Variants in EIF4G1 observed in about 807,000 individuals in gnomAD.
EIF4G1 encodes the protein eukaryotic translation initiation factor 4 gamma 1.
Under a neutral mutation model 187.8 loss-of-function variants are expected in EIF4G1, and 4 were observed. The observed-to-expected ratio is 0.02, with a 90% CI of 0.01 to 0.05. EIF4G1 has a LOEUF of 0.05. Ranked by LOEUF, EIF4G1 falls within the 10% of genes least tolerant of loss-of-function variation. The pLI is 1.00. For synonymous variants in EIF4G1, 844 were observed against 781.4 expected (o/e 1.08, Z -1.34); for missense variants, 1,647 against 2,081.1 (o/e 0.79, Z 4.06).
At position 184,322,646 on chromosome 3, in the gene EIF4G1, G is replaced by A. The variant is rs1269025478; in HGVS notation, c.1711G>A (p.Asp571Asn). ...SGVPPRPEEADETWDSKEDKI... is the reference protein window; with the variant it reads ...SGVPPRPEEANETWDSKEDKI... ...TGTGCCCCCACGTCCTGAGGAAGCAGATGAGACCTGGGACTCAAAGGAAGA... is the reference window on the plus strand; with the variant it reads ...TGTGCCCCCACGTCCTGAGGAAGCAAATGAGACCTGGGACTCAAAGGAAGA... The change falls in exon 12 of 33, where the codon GAT (aspartate) becomes AAT (asparagine). Residue 571 changes from aspartate (D) to asparagine (N), a missense_variant. Around this residue, in one of 11 missense-constraint regions of EIF4G1, gnomAD observed 522 missense variants for 485.2 expected, o/e 1.08. Transcript: ENST00000346169. 6.2e-7 allele frequency: 1 copy of A among 1,614,222 alleles called. No homozygotes were observed. The highest frequency in any genetic ancestry group is 2.2e-5 in the East Asian group (1 of 44,882).
chr3:184,333,634 C>G (rs1009996418), intron 32 of EIF4G1, among the ~76,000 whole-genome samples: 4 of 152,046 alleles, frequency 2.6e-5, no homozygotes, highest in Non-Finnish European at 1.5e-5. Context: ...TAGAGGCCAC[C>G]CTGGCAAAAA....
rs778135884 is a variant in EIF4G1 at position 184,327,915 on chromosome 3, G to A, written c.3866G>A (p.Arg1289His). 39 of 1,613,172 alleles carry A rather than the reference G, an allele frequency of 2.4e-5. No individual in the cohort carries two copies. The highest frequency in any genetic ancestry group is 4.0e-5 in the African/African-American group (3 of 74,926). Residue 1289 changes from arginine (R) to histidine (H), a missense_variant, in exon 26 of 33, where the codon CGC (arginine) becomes CAC (histidine). Arg to His is a conservative substitution (Grantham distance 29). This residue lies in a region of EIF4G1 where 543 missense variants were observed against 638.0 expected (regional missense o/e 0.85). Coordinates refer to ENST00000346169, the MANE Select transcript of EIF4G1 (RefSeq NM_198241.3). Reference protein sequence around the residue: ...VRHGVESTLERSAIAREHMGQ... With the variant: ...VRHGVESTLEHSAIAREHMGQ... ...CATGGTGTCGAGTCTACGCTGGAGC[G>A]CAGTGCCATTGCTCGTGAGCATATG... is the stretch of plus-strand genomic sequence containing the variant.
chr3:184,325,924 C>T lies in EIF4G1; in HGVS notation c.3195C>T (p.Asp1065=). The T allele has an allele frequency of 6.2e-7, 1 of 1,614,124 alleles. No homozygotes were observed. Among genetic ancestry groups the T allele is most frequent in the Non-Finnish European group, 8.5e-7 (1 of 1,180,026 alleles). ...TCAGCAAAGGTAGCCGCCCCATTGA[C>T]ACCTCACGACTCACCAAGATCACCA... ...VPISKGSRPI[D]TSRLTKITKP... The change falls in exon 21 of 33, where the codon GAC becomes GAT. Residue 1065 remains aspartate, a synonymous_variant. Transcript: ENST00000346169. This position sits in a 1 kb window ranked among gnomAD's most constrained non-coding sequence, Gnocchi z 5.2.
At chr3:184,319,545 C>G (rs1723476418) in intron 6 of EIF4G1, 144 bp from the exon 7 acceptor site, 6 of 682,476 alleles carry the variant, frequency 8.8e-6, no homozygotes, top group South Asian at 6.3e-5. Context: ...ACCTAATTCC[C>G]TGGGGGAGGA....
intron 7 of EIF4G1, chr3:184,320,380 T>G: frequency 1.4e-6 from 2 of 1,390,552 alleles, no homozygotes; most frequent in Non-Finnish European, 9.3e-7. Flanking sequence ...GGGGTAGGGA[T>G]GAGGGAGGGA....
At position 184,321,343 on chromosome 3, in the gene EIF4G1, C is replaced by T; in HGVS notation, c.759C>T (p.Ser253=). 6.2e-7 allele frequency: 1 copy of T among 1,614,144 alleles called. No homozygotes were observed. The highest frequency in any genetic ancestry group is 8.5e-7 in the Non-Finnish European group (1 of 1,180,030). ...CAGGGCTGCCTGGCCCAGAGCATAG[C>T]CCTTCAGAATCCCAGCCTTCGTCGC... ...DRPGLPGPEH[S]PSESQPSSPS... The change falls in exon 10 of 33, where the codon AGC becomes AGT. Residue 253 remains serine (S), a synonymous_variant. Transcript: ENST00000346169.
intron 7 of EIF4G1, chr3:184,320,269 C>T (rs1723659285): frequency 2.4e-6 from 3 of 1,235,014 alleles, no homozygotes. Flanking sequence ...CTGGGCCCTG[C>T]CCCCAGAGAT....
Position 184,322,064 on chromosome 3 carries a change from A to C in EIF4G1, c.1480A>C (p.Asn494His). The C allele has an allele frequency of 6.2e-7, 1 of 1,614,110 alleles. No homozygotes were observed. The highest frequency in any genetic ancestry group is 8.5e-7 in the Non-Finnish European group (1 of 1,180,020). The change falls in exon 10 of 33, where the codon AAC becomes CAC. Residue 494 changes from asparagine to histidine, a missense_variant. By Grantham distance (68) the Asn-to-His change is moderately conservative. Transcript: ENST00000346169. ...LPPESTPIPA[N>H]LSQNLEAAAA... Reference sequence around the variant, plus strand: ...CCCAGAGAGTACCCCTATTCCAGCCAACTTGTCTCAGAATTTGGAGGCAGC... The same window carrying C: ...CCCAGAGAGTACCCCTATTCCAGCCCACTTGTCTCAGAATTTGGAGGCAGC...
Position 184,317,407 on chromosome 3 carries a change from C to T in EIF4G1, c.234C>T (p.Ala78=). ...SAAPARPGPA[A]HVYPAGSQVM... Reference sequence around the variant, plus strand: ...CCCCTGCCCGCCCTGGCCCAGCTGCCCATGTCTACCCTGCTGGATCCCAAG... The same window carrying T: ...CCCCTGCCCGCCCTGGCCCAGCTGCTCATGTCTACCCTGCTGGATCCCAAG... The change falls in exon 5 of 33, where the codon GCC becomes GCT. Residue 78 remains alanine (A), a synonymous_variant. Transcript: ENST00000346169. 2 of 1,614,108 alleles carry T rather than the reference C, an allele frequency of 1.2e-6. No individual in the cohort carries two copies. Among genetic ancestry groups the T allele is most frequent in the African/African-American group, 1.3e-5 (1 of 75,028 alleles).
chr3:184,322,982 G>A (rs771928450), intron 13 of EIF4G1, 28 bp downstream of exon 13: 3 of 1,614,146 alleles, frequency 1.9e-6, no homozygotes, highest in South Asian at 1.1e-5. Flanking sequence ...GGGAGGGGAC[G>A]ATAAGTTTGT....
At position 184,331,522 on chromosome 3, in the gene EIF4G1, A is replaced by G. The variant is rs1577257334; in HGVS notation, c.4311A>G (p.Ala1437=). Residue 1437 remains alanine (A), a synonymous_variant, in exon 30 of 33, where the codon GCA becomes GCG. Transcript: ENST00000346169. ...GEESEAPGQR[A]LPSEELNRQL... ...AGTCGGAAGCCCCTGGCCAGAGGGC[A>G]CTCCCCTCCGAGGAGCTGAACAGGC... 6.2e-7 allele frequency: 1 copy of G among 1,613,948 alleles called. No individual in the cohort carries two copies. Among genetic ancestry groups the G allele is most frequent in the Non-Finnish European group, 8.5e-7 (1 of 1,180,004 alleles).
rs968974969 is a variant in EIF4G1, at chr3:184,320,191, C to T, written c.537+390C>T. On this transcript the variant is annotated intron_variant, in intron 7 of 32. Transcript: ENST00000346169. ...CTCTGCTCAGTCCTCAAGCCCTGGG[C>T]GTGGTGCCCAGAATAGGGTGCCAGA... 17 of 1,077,544 alleles carry T rather than the reference C, an allele frequency of 1.6e-5. No homozygotes were observed. In the South Asian group the frequency reaches 2.2e-4, roughly 14 times the overall value. The allele number at this position is 1,077,544 out of a possible 1,614,324, so 66.7% of individuals were successfully genotyped here. A position where few individuals can be genotyped will look rare whatever the true frequency, so the allele number is the denominator to read the frequency against.
In EIF4G1 at chr3:184,327,315, T is replaced by A. The variant is rs185700160; in HGVS notation, c.3528T>A (p.Arg1176=). The A allele has an allele frequency of 3.0e-5, 48 of 1,613,678 alleles. No homozygotes were observed. In the African/African-American group the frequency reaches 6.0e-4, roughly 20 times the overall value. Residue 1176 remains arginine (R), a synonymous_variant, in exon 24 of 33, where the codon CGT becomes CGA. Transcript: ENST00000346169. ...GGGACCGTGGGGACCGGCTTGATCG[T>A]GCGCGGACACCTGCTACCAAGCGGA... ...RGGDRGDRLD[R]ARTPATKRSF... is the part of the protein sequence containing the mutation.
Position 184,334,343 on chromosome 3 carries a change from A to G in EIF4G1, c.4619-384A>G, listed in dbSNP as rs1357403790. 6.6e-6 allele frequency among the ~76,000 whole-genome samples: 1 copy of G among 152,182 alleles called. No homozygotes were observed. Among genetic ancestry groups the G allele is most frequent in the Non-Finnish European group, 1.5e-5 (1 of 68,046 alleles). ...TCAGGATCTGTTTGGGGGGCAGTGA[A>G]TGTTCAGGTTACATGTAGGATATAT... On this transcript the variant is annotated intron_variant, in intron 32 of 32. Transcript: ENST00000346169. The surrounding 1 kb of genome is among the most constrained non-coding windows in gnomAD (Gnocchi z 5.8).
At position 184,317,460 on chromosome 3, in the gene EIF4G1, A is replaced by G; in HGVS notation, c.287A>G (p.Tyr96Cys). ...QVMMIPSQISYPASQGAYYIP... is the reference protein window; with the variant it reads ...QVMMIPSQISCPASQGAYYIP... ...ATGATGATCCCTTCCCAGATCTCCTACCCAGCCTCCCAGGGGGCCTACTAC... is the reference window on the plus strand; with the variant it reads ...ATGATGATCCCTTCCCAGATCTCCTGCCCAGCCTCCCAGGGGGCCTACTAC... Residue 96 changes from tyrosine (Y) to cysteine (C), a missense_variant, in exon 5 of 33, where the codon TAC becomes TGC. By Grantham distance (194) the Tyr-to-Cys change is radical. Around this residue, in one of 11 missense-constraint regions of EIF4G1, gnomAD observed 139 missense variants for 187.3 expected, o/e 0.74. Transcript: ENST00000346169. 1.2e-6 allele frequency: 2 copies of G among 1,613,818 alleles called. No individual in the cohort carries two copies. The highest frequency in any genetic ancestry group is 1.7e-6 in the Non-Finnish European group (2 of 1,179,948).
At position 184,316,787 on chromosome 3, in the gene EIF4G1, A is replaced by G. The variant is rs992952283; in HGVS notation, c.148-534A>G. ...TCTTCTGGTCTCATCCTTACCCTCCACCCTAGTCAGGGGCTAGACACAGGG... is the reference window on the plus strand; with the variant it reads ...TCTTCTGGTCTCATCCTTACCCTCCGCCCTAGTCAGGGGCTAGACACAGGG... On this transcript the variant is annotated intron_variant, in intron 4 of 32. Transcript: ENST00000346169. 23 of 1,560,074 alleles carry G rather than the reference A, an allele frequency of 1.5e-5. No homozygotes were observed. The Admixed American group carries it at 3.1e-4, about 21-fold the overall frequency.
At position 184,322,083 on chromosome 3, in the gene EIF4G1, A is replaced by G. The variant is rs1385851681; in HGVS notation, c.1499A>G (p.Glu500Gly). 6.2e-7 allele frequency: 1 copy of G among 1,613,914 alleles called. No homozygotes were observed. The highest frequency in any genetic ancestry group is 1.7e-5 in the Admixed American group (1 of 59,944). The change falls in exon 10 of 33, where the codon GAG becomes GGG. Residue 500 changes from glutamate to glycine, a missense_variant. Coordinates refer to ENST00000346169, the MANE Select transcript of EIF4G1 (RefSeq NM_198241.3). ...CCAGCCAACTTGTCTCAGAATTTGG[A>G]GGCAGCAGCAGCCACTCAAGGTAAG... ...PIPANLSQNL[E>G]AAAATQVAVS...
At chr3:184,328,864 G>T in intron 27 of EIF4G1, 45 bp from the exon 28 acceptor site, 1 of 1,613,986 alleles carries the variant, frequency 6.2e-7, no homozygotes, top group South Asian at 1.1e-5. Context: ...GTAGTGGTGA[G>T]AGAACTGTGG....
At chr3:184,317,192 G>T in intron 4 of EIF4G1, 129 bp from the exon 5 acceptor site, 1 of 1,107,864 alleles carries the variant, frequency 9.0e-7, no homozygotes, top group Non-Finnish European at 1.4e-6. Flanking sequence ...AAGTGGTCTT[G>T]GAAGGATTGG....
Sources: allele counts gnomAD v4.1 joint callset (sites outside exome capture counted in the v4.1 genomes callset), GRCh38; gene constraint gnomAD v4.1.1; regional missense constraint gnomAD v4.1.1; non-coding constraint Gnocchi (gnomAD v3.1); transcripts MANE v1.5; gene names NCBI Gene and HGNC (gene_info 2026-07-23, HGNC 2026-07-21).